Variants in QTMAN observed in about 807,000 individuals in gnomAD.
QTMAN encodes tRNA-queuosine alpha-mannosyltransferase.
the QTMAN span, among the ~76,000 whole-genome samples, chr2:144,090,124 T>G: frequency 6.2e-4 from 94 of 152,162 alleles, no homozygotes; most frequent in African/African-American, 2.2e-3. Context: ...AAGGTAAGAT[T>G]ATCTCTAGAT....
the QTMAN span, among the ~76,000 whole-genome samples, chr2:144,321,572 A>C: frequency 6.6e-6 from 1 of 152,198 alleles, no homozygotes; most frequent in Admixed American, 6.5e-5. Context: ...AGGACGGATT[A>C]GCGTATGGAC....
chr2:143,946,792 A>G, the QTMAN span: 2 of 471,486 alleles, frequency 4.2e-6, no homozygotes, highest in African/African-American at 2.0e-5. Flanking sequence ...AGTCTCCTAC[A>G]TGTGATGCCG....
chr2:144,052,206 T>G, the QTMAN span, among the ~76,000 whole-genome samples: 1 of 152,048 alleles, frequency 6.6e-6, no homozygotes, highest in African/African-American at 2.4e-5. Flanking sequence ...TTTATGGAAT[T>G]TATATGGAAA....
chr2:144,203,864 T>C, the QTMAN span, among the ~76,000 whole-genome samples: 4 of 152,150 alleles, frequency 2.6e-5, no homozygotes, highest in African/African-American at 7.2e-5. Flanking sequence ...GAAGAACGAA[T>C]AGACAAACCT....
the QTMAN span, among the ~76,000 whole-genome samples, chr2:144,259,509 A>G: frequency 4.9e-4 from 75 of 152,192 alleles, 1 homozygote; most frequent in African/African-American, 1.8e-3. Context: ...CATGGCAAAA[A>G]CCGCAATGAC....
At chr2:144,174,728 T>TAA in the QTMAN span, among the ~76,000 whole-genome samples, 2 of 152,156 alleles carry the variant, frequency 1.3e-5, no homozygotes, top group East Asian at 3.9e-4. Flanking sequence ...GGCAGTTCCC[T>TAA]AACACACACT....
the QTMAN span, among the ~76,000 whole-genome samples, chr2:144,153,460 A>C: frequency 6.6e-6 from 1 of 152,240 alleles, no homozygotes; most frequent in Non-Finnish European, 1.5e-5. Context: ...CTGTAATCCC[A>C]GCACTCTGGG....
the QTMAN span, among the ~76,000 whole-genome samples, chr2:144,164,173 C>T: frequency 2.6e-5 from 4 of 152,152 alleles, no homozygotes; most frequent in African/African-American, 9.7e-5. Context: ...ATCCAACCAC[C>T]TCTGCCTCCC....
chr2:144,332,954 C>G, the QTMAN span, among the ~76,000 whole-genome samples: 2 of 152,298 alleles, frequency 1.3e-5, no homozygotes, highest in South Asian at 2.1e-4. Context: ...CCAGCCGGCC[C>G]GTTGCATCTC....
At chr2:144,298,469 T>C in the QTMAN span, among the ~76,000 whole-genome samples, 1 of 152,348 alleles carries the variant, frequency 6.6e-6, no homozygotes, top group African/African-American at 2.4e-5. Flanking sequence ...GGGTGTTTAT[T>C]GTATTGTATT....
the QTMAN span, among the ~76,000 whole-genome samples, chr2:144,315,535 T>A: frequency 6.6e-6 from 1 of 152,222 alleles, no homozygotes; most frequent in Non-Finnish European, 1.5e-5. Flanking sequence ...TCTTATCCAG[T>A]ATTTTCTCTG....
chr2:143,983,576 C>T, the QTMAN span, among the ~76,000 whole-genome samples: 1 of 150,956 alleles, frequency 6.6e-6, no homozygotes, highest in African/African-American at 2.4e-5. Flanking sequence ...GGGTTCACGC[C>T]ATTCTCCTGC....
the QTMAN span, among the ~76,000 whole-genome samples, chr2:144,281,155 T>C: frequency 6.8e-6 from 1 of 148,126 alleles, no homozygotes; most frequent in Non-Finnish European, 1.5e-5. Context: ...TTTTTTAAAG[T>C]CTAACAATAT....
the QTMAN span, among the ~76,000 whole-genome samples, chr2:144,311,359 T>A: frequency 6.6e-6 from 1 of 152,206 alleles, no homozygotes; most frequent in African/African-American, 2.4e-5. Flanking sequence ...GTGATTAGAC[T>A]TAGAAGTTTG....
At chr2:144,302,306 A>G in the QTMAN span, among the ~76,000 whole-genome samples, 2 of 152,044 alleles carry the variant, frequency 1.3e-5, no homozygotes, top group African/African-American at 2.4e-5. Context: ...AAGCTAGAAG[A>G]GTCATAAAAT....
chr2:144,157,561 G>GA, the QTMAN span, among the ~76,000 whole-genome samples: 1 of 151,776 alleles, frequency 6.6e-6, no homozygotes, highest in Non-Finnish European at 1.5e-5. Context: ...AGGAAAGCCA[G>GA]AAAAAAGGCT....
chr2:144,020,715 GA>G, the QTMAN span, among the ~76,000 whole-genome samples: 2 of 152,138 alleles, frequency 1.3e-5, no homozygotes, highest in African/African-American at 2.4e-5. Flanking sequence ...CACACCCTGG[GA>G]GGGGAACAAG....
chr2:144,023,253 C>T, the QTMAN span, among the ~76,000 whole-genome samples: 2 of 151,612 alleles, frequency 1.3e-5, no homozygotes, highest in African/African-American at 4.9e-5. Flanking sequence ...ATTGATGCAC[C>T]AAAGTGAGCC....
At chr2:144,199,123 C>T in the QTMAN span, among the ~76,000 whole-genome samples, 1 of 151,822 alleles carries the variant, frequency 6.6e-6, no homozygotes, top group Non-Finnish European at 1.5e-5. Flanking sequence ...GCTCGACTCA[C>T]TGCAACTTCC....
Sources: gnomAD v4.1 joint callset for allele counts (sites outside exome capture counted in the v4.1 genomes callset) on GRCh38, gnomAD v4.1.1 for gene constraint, MANE v1.5 for transcripts, NCBI Gene and HGNC (gene_info 2026-07-23, HGNC 2026-07-21) for gene names.